Variants in IL1RAPL2 observed in about 807,000 individuals in gnomAD.
The protein encoded by IL1RAPL2 is X-linked interleukin-1 receptor accessory protein-like 2.
Under a neutral mutation model 44.1 loss-of-function variants are expected in IL1RAPL2, and 3 were observed. That is an observed-to-expected ratio of 0.07 (90% CI 0.03 to 0.18). The LOEUF is 0.18. Among genes scored for constraint, IL1RAPL2 ranks in the 10% least tolerant of loss-of-function variants. The pLI is 1.00. For synonymous variants in IL1RAPL2, 181 were observed against 178.8 expected, an observed-to-expected ratio of 1.01 and a Z score of -0.10; for missense variants, 391 against 496.4, an observed-to-expected ratio of 0.79 and a Z score of 2.02.
intron 5 of IL1RAPL2, among the ~76,000 whole-genome samples, chrX:105,326,223 T>A (rs771421435): frequency 9.1e-6 from 1 of 110,430 alleles, no homozygotes; most frequent in African/African-American, 3.3e-5. Flanking sequence ...GGCTAATTTT[T>A]AAAATTTTTT....
intron 2 of IL1RAPL2, among the ~76,000 whole-genome samples, chrX:105,184,690 T>A (rs2033568630): frequency 9.1e-6 from 1 of 110,315 alleles, no homozygotes; most frequent in African/African-American, 3.3e-5. Flanking sequence ...AAAATGAATA[T>A]GTTTGAAAAT....
intron 2 of IL1RAPL2, among the ~76,000 whole-genome samples, chrX:105,039,198 T>C (rs771053245): frequency 4.7e-4 from 53 of 111,974 alleles, no homozygotes; most frequent in Non-Finnish European, 6.4e-4. Flanking sequence ...TTTAGCTTAG[T>C]ACAAGCTACA....
intron 6 of IL1RAPL2, among the ~76,000 whole-genome samples, chrX:105,532,155 A>T (rs912656899): frequency 1.8e-5 from 2 of 111,893 alleles, no homozygotes. Context: ...GATATGGGCA[A>T]CAGCTTTGCT....
At chrX:105,348,243 G>T (rs910794628) in intron 5 of IL1RAPL2, among the ~76,000 whole-genome samples, 10 of 111,470 alleles carry the variant, frequency 9.0e-5, no homozygotes, top group Non-Finnish European at 1.9e-4. Context: ...TAGGTCACTG[G>T]TATCTAGCTA....
At chrX:105,193,213 A>AT (rs1284694307) in intron 2 of IL1RAPL2, among the ~76,000 whole-genome samples, 20 of 110,592 alleles carry the variant, frequency 1.8e-4, no homozygotes, top group South Asian at 3.8e-4. Flanking sequence ...TAGCATTTCA[A>AT]TTTTTTTTTC....
At chrX:105,551,311 C>A (rs964810987) in intron 6 of IL1RAPL2, among the ~76,000 whole-genome samples, 337 of 104,318 alleles carry the variant, frequency 3.2e-3, no homozygotes, top group African/African-American at 0.011. Context: ...ACAACAACAA[C>A]AAAAAAAACA....
rs1409311322 is a variant in IL1RAPL2, at chrX:105,270,878, C to A, written c.697+3337C>A. 2.7e-5 allele frequency among the ~76,000 whole-genome samples: 3 copies of A among 111,632 alleles called. No homozygotes were observed. The Admixed American group carries it at 2.9e-4, about 11-fold the overall frequency. ...TGACATGAATAGAGGTGGTTAATTA[C>A]AAAATTATGTAAATAGAGGTTCTTT... On this transcript the variant is annotated intron_variant, in intron 5 of 10. Coordinates refer to ENST00000372582, the MANE Select transcript of IL1RAPL2 (RefSeq NM_017416.2).
At chrX:105,447,784 A>AAC (rs2035980436) in intron 5 of IL1RAPL2, among the ~76,000 whole-genome samples, 10 of 88,997 alleles carry the variant, frequency 1.1e-4, no homozygotes, top group African/African-American at 4.4e-4. Context: ...ATATATTAAA[A>AAC]ATATATATAA....
At chrX:104,963,451 G>A (rs1215676343) in intron 2 of IL1RAPL2, among the ~76,000 whole-genome samples, 1 of 111,572 alleles carries the variant, frequency 9.0e-6, no homozygotes, top group Non-Finnish European at 1.9e-5. Flanking sequence ...CATCAGTATG[G>A]CATTATGGAA....
At chrX:105,493,778 G>A (rs1399700279) in intron 6 of IL1RAPL2, among the ~76,000 whole-genome samples, 1 of 111,728 alleles carries the variant, frequency 9.0e-6, no homozygotes, top group Admixed American at 9.5e-5. Flanking sequence ...GACAGAAGGT[G>A]AGTGATCATG....
At chrX:104,870,030 C>T (rs1922719876) in intron 2 of IL1RAPL2, among the ~76,000 whole-genome samples, 1 of 111,846 alleles carries the variant, frequency 8.9e-6, no homozygotes, top group African/African-American at 3.2e-5. Context: ...TAACACATGC[C>T]TCTGGGATGT....
At chrX:105,466,344 G>C (rs1031030357) in intron 5 of IL1RAPL2, among the ~76,000 whole-genome samples, 2 of 110,210 alleles carry the variant, frequency 1.8e-5, no homozygotes, top group African/African-American at 3.3e-5. Flanking sequence ...GACTCAAATT[G>C]GTTGGAAATC....
chrX:104,797,849 C>T (rs1423320196), intron 2 of IL1RAPL2, among the ~76,000 whole-genome samples: 2 of 112,461 alleles, frequency 1.8e-5, no homozygotes, highest in South Asian at 3.7e-4. Flanking sequence ...GATTCAACAA[C>T]ATCTTCATTA....
At chrX:105,571,006 T>C (rs957422194) in intron 6 of IL1RAPL2, among the ~76,000 whole-genome samples, 5 of 111,833 alleles carry the variant, frequency 4.5e-5, no homozygotes, top group Non-Finnish European at 7.5e-5. Context: ...TCTGACAAGA[T>C]AGAAGTAAAT....
At chrX:104,596,716 A>G (rs947814383) in intron 1 of IL1RAPL2, among the ~76,000 whole-genome samples, 23 of 111,205 alleles carry the variant, frequency 2.1e-4, no homozygotes, top group African/African-American at 7.2e-4. Flanking sequence ...TGGCTCTTTC[A>G]GAGGGTAGCT....
At chrX:105,450,300 C>T (rs1482948433) in intron 5 of IL1RAPL2, among the ~76,000 whole-genome samples, 1 of 111,425 alleles carries the variant, frequency 9.0e-6, no homozygotes, top group Non-Finnish European at 1.9e-5. Flanking sequence ...CTCCTCAATA[C>T]CTCTTTTGGT....
intron 2 of IL1RAPL2, among the ~76,000 whole-genome samples, chrX:105,079,174 T>C (rs1161143344): frequency 1.8e-5 from 2 of 111,929 alleles, no homozygotes; most frequent in African/African-American, 3.2e-5. Context: ...TATCCAGTCA[T>C]GCTGGAGAGG....
chrX:104,766,102 C>T (rs1932547724), intron 2 of IL1RAPL2, among the ~76,000 whole-genome samples: 1 of 111,864 alleles, frequency 8.9e-6, no homozygotes, highest in Non-Finnish European at 1.9e-5. Context: ...TGTGGCTCAG[C>T]AGTTATTGGC....
At chrX:105,456,568 T>C (rs773991593) in intron 5 of IL1RAPL2, among the ~76,000 whole-genome samples, 9 of 111,767 alleles carry the variant, frequency 8.1e-5, no homozygotes, top group African/African-American at 2.6e-4. Context: ...TCTGCATCTA[T>C]TGAGGTAATC....
Sources: allele counts gnomAD v4.1 joint callset (sites outside exome capture counted in the v4.1 genomes callset), GRCh38; gene constraint gnomAD v4.1.1; transcripts MANE v1.5; gene names NCBI Gene and HGNC (gene_info 2026-07-23, HGNC 2026-07-21).